CFAP299: variants seen among roughly 807,000 people sequenced by gnomAD.
CFAP299 encodes the protein cilia and flagella associated protein 299, also known as cilia- and flagella-associated protein 299.
A neutral mutation model predicts 27.0 loss-of-function variants in CFAP299; 21 were observed. That is an observed-to-expected ratio of 0.78 (90% confidence interval 0.55 to 1.12). The LOEUF (loss-of-function observed/expected upper bound fraction) is 1.12, where lower values mean the gene tolerates loss of function less well. Ranked by LOEUF, CFAP299 falls within the 50% of genes most tolerant of loss-of-function variation. The probability of loss-of-function intolerance (pLI) is 0.00; values close to 1 mark genes in which losing one functional copy is unlikely to be tolerated. For synonymous variants in CFAP299, 104 were observed against 98.1 expected, an observed-to-expected ratio of 1.06 and a Z score of -0.36; for missense variants, 310 against 276.6, an observed-to-expected ratio of 1.12 and a Z score of -0.86.
intron 3 of CFAP299, among the ~76,000 whole-genome samples, chr4:80,862,335 A>G (rs1732431356): frequency 6.6e-6 from 1 of 152,158 alleles, no homozygotes. Context: ...GTGCCACTGC[A>G]CTCCAGTCTG....
At chr4:80,852,927 G>A (rs1731608090) in intron 3 of CFAP299, among the ~76,000 whole-genome samples, 2 of 152,160 alleles carry the variant, frequency 1.3e-5, no homozygotes, top group Non-Finnish European at 2.9e-5. Flanking sequence ...CAGGCACTGT[G>A]CAGGACATTG....
intron 1 of CFAP299, among the ~76,000 whole-genome samples, chr4:80,355,110 C>A (rs1723200319): frequency 6.6e-6 from 1 of 152,094 alleles, no homozygotes; most frequent in Non-Finnish European, 1.5e-5. Flanking sequence ...CTATCTTCTA[C>A]AACGATTGAA....
chr4:80,784,620 T>C (rs888202249), intron 3 of CFAP299, among the ~76,000 whole-genome samples: 1 of 152,084 alleles, frequency 6.6e-6, no homozygotes, highest in Admixed American at 6.6e-5. Context: ...CAGGATCAAG[T>C]GATTCTGCTG....
chr4:80,548,623 C>G (rs1734355987), intron 2 of CFAP299, among the ~76,000 whole-genome samples: 1 of 152,074 alleles, frequency 6.6e-6, no homozygotes, highest in South Asian at 2.1e-4. Context: ...TCTATGAATG[C>G]AGTATATTTT....
Position 80,877,159 on chromosome 4 carries a change from C to T in CFAP299, c.476+7024C>T, listed in dbSNP as rs550517920. ...TGAACCTCAGTTATGTCCCAGGATACTTTTAGAATCTACTCATATCCTCTG... is the reference window on the plus strand; with the variant it reads ...TGAACCTCAGTTATGTCCCAGGATATTTTTAGAATCTACTCATATCCTCTG... On this transcript the variant is annotated intron_variant, in intron 4 of 5. Transcript: ENST00000358105. Among the ~76,000 whole-genome samples, 183 of 152,282 alleles carry T rather than the reference C, an allele frequency of 1.2e-3. 1 individual carries two copies. The highest frequency in any genetic ancestry group is 4.3e-3 in the African/African-American group (180 of 41,566).
intron 3 of CFAP299, among the ~76,000 whole-genome samples, chr4:80,827,575 A>G (rs1412085562): frequency 6.6e-6 from 1 of 151,888 alleles, no homozygotes; most frequent in African/African-American, 2.4e-5. Context: ...ACAACTAAAA[A>G]CCATATATAA....
chr4:80,830,902 A>G (rs1578164265), intron 3 of CFAP299, among the ~76,000 whole-genome samples: 2 of 152,280 alleles, frequency 1.3e-5, no homozygotes, highest in Middle Eastern at 6.8e-3. Context: ...AAGGCTGATC[A>G]AGGTCCAGAG....
chr4:80,879,107 G>A (rs1211043363), intron 4 of CFAP299, among the ~76,000 whole-genome samples: 1 of 151,964 alleles, frequency 6.6e-6, no homozygotes, highest in East Asian at 1.9e-4. Context: ...ATTTCCATGG[G>A]CACCACACAA....
intron 3 of CFAP299, among the ~76,000 whole-genome samples, chr4:80,695,521 ATTGT>A (rs1168705902): frequency 1.3e-5 from 2 of 152,142 alleles, no homozygotes; most frequent in Admixed American, 1.3e-4. Flanking sequence ...TTGTGTAAAC[ATTGT>A]TTGTATTGTT....
chr4:80,841,000 T>C (rs72881555), intron 3 of CFAP299, among the ~76,000 whole-genome samples: 2,138 of 152,180 alleles, frequency 0.014, 50 homozygotes, highest in African/African-American at 0.048. Context: ...CCCTCCACTA[T>C]ACCAAACTGC....
At chr4:80,704,866 T>G (rs1721730225) in intron 3 of CFAP299, among the ~76,000 whole-genome samples, 1 of 151,884 alleles carries the variant, frequency 6.6e-6, no homozygotes, top group Non-Finnish European at 1.5e-5. Context: ...ATGTAAATTG[T>G]CAATTTAGAA....
At chr4:80,681,957 T>C (rs1283103297) in intron 3 of CFAP299, among the ~76,000 whole-genome samples, 1 of 152,078 alleles carries the variant, frequency 6.6e-6, no homozygotes, top group Non-Finnish European at 1.5e-5. Context: ...GCCTTGGAAA[T>C]TTACCACCTC....
chr4:80,508,486 T>A (rs1043922100), intron 2 of CFAP299, among the ~76,000 whole-genome samples: 44 of 152,314 alleles, frequency 2.9e-4, no homozygotes, highest in Admixed American at 2.7e-3. Context: ...ATCCTCCTAA[T>A]GGCCTTATCT....
intron 2 of CFAP299, among the ~76,000 whole-genome samples, chr4:80,563,832 CAAAT>C (rs1412048733): frequency 6.6e-6 from 1 of 151,812 alleles, no homozygotes; most frequent in Admixed American, 6.6e-5. Context: ...AAAGACTATC[CAAAT>C]AAATAAAATC....
rs1183081703 is a variant in CFAP299, at chr4:80,800,173, TATATA to T, written c.334-69816_334-69812del. Among the ~76,000 whole-genome samples, 202 of 71,684 alleles carry T rather than the reference TATATA, an allele frequency of 2.8e-3. 1 individual carries two copies. The highest frequency in any genetic ancestry group is 0.012 in the African/African-American group (197 of 16,754). The allele number at this position is 71,684 out of a possible 152,430, so 47.0% of individuals were successfully genotyped here. Reference sequence around the variant, plus strand: ...TTTATATAATATATAATACATATAATATATAATAATATGTAATACTATATAATATA... The same window carrying T: ...TTTATATAATATATAATACATATAATATAATATGTAATACTATATAATATA... On this transcript the variant is annotated intron_variant, in intron 3 of 5. Transcript: ENST00000358105.
chr4:80,576,197 AATATAT>A (rs1553935643), intron 2 of CFAP299, among the ~76,000 whole-genome samples: 5,507 of 32,436 alleles, frequency 0.17, 151 homozygotes, highest in Non-Finnish European at 0.35. Context: ...TAAAAAAAAA[AATATAT>A]ATATATATAT....
chr4:80,563,775 G>A (rs1208484047), intron 2 of CFAP299, among the ~76,000 whole-genome samples: 1 of 151,780 alleles, frequency 6.6e-6, no homozygotes, highest in Admixed American at 6.6e-5. Context: ...TTTTTGAAAA[G>A]TTAAACAAAA....
intron 3 of CFAP299, among the ~76,000 whole-genome samples, chr4:80,683,807 C>G (rs1720000117): frequency 6.6e-6 from 1 of 152,124 alleles, no homozygotes; most frequent in Non-Finnish European, 1.5e-5. Flanking sequence ...CAAGCATGTA[C>G]TATTTACACA....
upstream of CFAP299, among the ~76,000 whole-genome samples, chr4:80,335,403 T>A (rs1410851076): frequency 6.6e-6 from 1 of 152,242 alleles, no homozygotes; most frequent in Non-Finnish European, 1.5e-5. Flanking sequence ...TGTCTCGGTA[T>A]TTTTGTCTTG....
Sources: gnomAD v4.1 joint callset for allele counts (sites outside exome capture counted in the v4.1 genomes callset) on GRCh38, gnomAD v4.1.1 for gene constraint, MANE v1.5 for transcripts, NCBI Gene and HGNC (gene_info 2026-07-23, HGNC 2026-07-21) for gene names.